Variants in CDK14 observed in about 807,000 individuals in gnomAD.
CDK14 encodes cyclin-dependent kinase 14.
A neutral mutation model predicts 60.7 loss-of-function variants in CDK14; 34 were observed. That is an observed-to-expected ratio of 0.56 (90% CI 0.43 to 0.75). The LOEUF (loss-of-function observed/expected upper bound fraction) is 0.75, where lower values mean the gene tolerates loss of function less well. CDK14 is among the 30% of genes least tolerant of loss of function. The pLI is 0.00. For synonymous variants in CDK14, 197 were observed against 203.7 expected, an observed-to-expected ratio of 0.97 and a Z score of 0.28; for missense variants, 482 against 564.1, an observed-to-expected ratio of 0.85 and a Z score of 1.47.
chr7:91,148,873 G>A (rs567538080), intron 14 of CDK14, among the ~76,000 whole-genome samples: 1 of 152,242 alleles, frequency 6.6e-6, no homozygotes, highest in Non-Finnish European at 1.5e-5. Context: ...GTAAGGGGCT[G>A]CAGACCAACA....
intron 9 of CDK14, among the ~76,000 whole-genome samples, chr7:90,977,127 A>G (rs2115588792): frequency 6.6e-6 from 1 of 152,162 alleles, no homozygotes; most frequent in Middle Eastern, 3.4e-3. Context: ...AAGCGTGGGA[A>G]TCTAGTTTTG....
At chr7:90,661,627 C>T (rs917207957) in intron 2 of CDK14, among the ~76,000 whole-genome samples, 1 of 152,130 alleles carries the variant, frequency 6.6e-6, no homozygotes, top group African/African-American at 2.4e-5. Flanking sequence ...TTATGACATG[C>T]CTTGTCACTG....
chr7:90,705,568 C>T (rs1013696154), intron 2 of CDK14, among the ~76,000 whole-genome samples: 7 of 151,176 alleles, frequency 4.6e-5, no homozygotes, highest in African/African-American at 1.7e-4. Context: ...ACATGTTTTC[C>T]ACTCAGGAGA....
At chr7:90,998,535 A>G (rs1177137644) in intron 10 of CDK14, among the ~76,000 whole-genome samples, 1 of 152,208 alleles carries the variant, frequency 6.6e-6, no homozygotes, top group African/African-American at 2.4e-5. Flanking sequence ...TAGGTGGGGT[A>G]GAGAGGTATC....
intron 2 of CDK14, among the ~76,000 whole-genome samples, chr7:90,614,705 C>G (rs1799614287): frequency 6.6e-6 from 1 of 152,108 alleles, no homozygotes; most frequent in Admixed American, 6.5e-5. Context: ...GTTTCAGCCT[C>G]TCAAAATGCT....
At position 91,209,057 on chromosome 7, in the gene CDK14, A is replaced by G. The variant is rs1802984610; in HGVS notation, c.*1921A>G. ...GAGAAAACTTTACATGCAATTAAAA[A>G]TGGACTTTCCTGTGATTTGTTTTTA... On this transcript the variant is annotated 3_prime_UTR_variant, in exon 15 of 15. Coordinates refer to ENST00000380050, the MANE Select transcript of CDK14 (RefSeq NM_001287135.2). 1 of 152,632 alleles carries G rather than the reference A, an allele frequency of 6.6e-6. No homozygotes were observed. The highest frequency in any genetic ancestry group is 1.5e-5 in the Non-Finnish European group (1 of 68,034). 9.5% of individuals were successfully genotyped at this position (152,632 alleles called of 1,614,324 possible). A position where few individuals can be genotyped will look rare whatever the true frequency, so the allele number is the denominator to read the frequency against.
intron 10 of CDK14, among the ~76,000 whole-genome samples, chr7:91,024,933 C>T (rs928372817): frequency 6.6e-6 from 1 of 152,174 alleles, no homozygotes; most frequent in Non-Finnish European, 1.5e-5. Flanking sequence ...TAGTTTTCTG[C>T]TAGTGATTGA....
intron 14 of CDK14, among the ~76,000 whole-genome samples, chr7:91,176,100 A>G (rs1427303674): frequency 6.6e-6 from 1 of 151,586 alleles, no homozygotes; most frequent in Admixed American, 6.6e-5. Context: ...AGAAATTATA[A>G]CAAACTATCT....
intron 5 of CDK14, among the ~76,000 whole-genome samples, chr7:90,802,615 G>A (rs954023189): frequency 6.6e-6 from 1 of 152,106 alleles, no homozygotes; most frequent in Non-Finnish European, 1.5e-5. Flanking sequence ...GTATGATTTT[G>A]AGCAAGTCTT....
chr7:90,861,653 A>G lies in CDK14; in HGVS notation c.545-1522A>G, dbSNP rs148029364. ...ACAGGATAGTGAAAGTAAAGAAGGA[A>G]GGAAAAGGGAGAAATTAAGGATCCT... On this transcript the variant is annotated intron_variant, in intron 5 of 14. Coordinates refer to ENST00000380050, the MANE Select transcript of CDK14 (RefSeq NM_001287135.2). Among the ~76,000 whole-genome samples the G allele has an allele frequency of 2.6e-5, 4 of 152,310 alleles. No homozygotes were observed. In the East Asian group the frequency reaches 7.7e-4, roughly 29 times the overall value.
At chr7:90,796,821 T>C (rs1057025981) in intron 5 of CDK14, among the ~76,000 whole-genome samples, 1 of 151,882 alleles carries the variant, frequency 6.6e-6, no homozygotes, top group Non-Finnish European at 1.5e-5. Flanking sequence ...GAGTTTAGCG[T>C]AAGTAGTATA....
chr7:91,060,300 C>A (rs951594474), intron 11 of CDK14, among the ~76,000 whole-genome samples: 5 of 151,476 alleles, frequency 3.3e-5, no homozygotes, highest in African/African-American at 9.7e-5. Context: ...GTGTCTCTGC[C>A]CGTGAGATGG....
At chr7:90,939,655 A>G (rs900526320) in intron 8 of CDK14, among the ~76,000 whole-genome samples, 5 of 152,214 alleles carry the variant, frequency 3.3e-5, no homozygotes, top group Non-Finnish European at 2.9e-5. Context: ...CCAGTTTTGA[A>G]ACTTTCATCA....
At chr7:91,193,530 G>T (rs1314880481) in intron 14 of CDK14, among the ~76,000 whole-genome samples, 1 of 152,128 alleles carries the variant, frequency 6.6e-6, no homozygotes, top group Non-Finnish European at 1.5e-5. Flanking sequence ...GGAAAAATAT[G>T]CAATTATAAC....
intron 14 of CDK14, among the ~76,000 whole-genome samples, chr7:91,145,506 C>G (rs1800598549): frequency 6.6e-6 from 1 of 152,158 alleles, no homozygotes. Flanking sequence ...GGGCCCTTCT[C>G]CCCTCCACCC....
At chr7:91,153,737 G>A (rs1032533331) in intron 14 of CDK14, among the ~76,000 whole-genome samples, 1 of 152,290 alleles carries the variant, frequency 6.6e-6, no homozygotes, top group Admixed American at 6.5e-5. Flanking sequence ...TCAGAGGATG[G>A]AAGATGGGAT....
intron 2 of CDK14, 66 bp downstream of exon 2, chr7:90,604,315 C>A: frequency 2.2e-6 from 2 of 926,244 alleles, no homozygotes; most frequent in South Asian, 1.9e-5. Context: ...TCAGTAGCTG[C>A]CAACTTTGTA....
intron 10 of CDK14, among the ~76,000 whole-genome samples, chr7:91,031,295 A>T (rs1796751603): frequency 6.6e-6 from 1 of 152,148 alleles, no homozygotes; most frequent in African/African-American, 2.4e-5. Context: ...TTTCTGTATC[A>T]TGAGCAGAAA....
At chr7:90,891,127 A>G (rs11976621) in intron 6 of CDK14, among the ~76,000 whole-genome samples, 29,731 of 152,144 alleles carry the variant, frequency 0.2, 3,038 homozygotes, top group Middle Eastern at 0.3. Context: ...CCACAGAAAA[A>G]TAGAAATTAT....
Sources: allele counts gnomAD v4.1 joint callset (sites outside exome capture counted in the v4.1 genomes callset), GRCh38; gene constraint gnomAD v4.1.1; transcripts MANE v1.5; gene names NCBI Gene and HGNC (gene_info 2026-07-23, HGNC 2026-07-21).